PRELID2: variants seen among roughly 807,000 people sequenced by gnomAD.
PRELID2 encodes the protein PRELI domain containing 2.
PRELID2 carries 25 observed loss-of-function variants against 28.4 expected under a neutral mutation model. The observed-to-expected ratio is 0.88, with a 90% CI of 0.64 to 1.23. The LOEUF is 1.23. Among genes scored for constraint, PRELID2 ranks in the 50% most tolerant of loss-of-function variants. PRELID2 has a pLI of 0.00. For synonymous variants in PRELID2, 76 were observed against 71.6 expected (o/e 1.06, Z -0.31); for missense variants, 201 against 214.4 (o/e 0.94, Z 0.39).
the PRELID2 span, among the ~76,000 whole-genome samples, chr5:145,375,256 G>A: frequency 6.6e-6 from 1 of 152,002 alleles, no homozygotes; most frequent in Non-Finnish European, 1.5e-5. Context: ...TGGTTTGCTG[G>A]CGTTTCACTT....
intron 5 of PRELID2, among the ~76,000 whole-genome samples, chr5:145,775,482 A>G (rs1427419322): frequency 6.6e-6 from 1 of 152,212 alleles, no homozygotes; most frequent in Non-Finnish European, 1.5e-5. Context: ...TGAAATTGCC[A>G]TAAGAAAAAA....
At chr5:145,243,922 C>A in the PRELID2 span, among the ~76,000 whole-genome samples, 4 of 151,928 alleles carry the variant, frequency 2.6e-5, no homozygotes, top group African/African-American at 9.7e-5. Flanking sequence ...GCAACTTTTA[C>A]TTCCAAGTTT....
chr5:145,413,973 A>G, the PRELID2 span, among the ~76,000 whole-genome samples: 6 of 152,188 alleles, frequency 3.9e-5, no homozygotes, highest in Admixed American at 3.9e-4. Flanking sequence ...AGCTATTGTG[A>G]ATAAAATTAT....
chr5:145,806,585 T>C (rs1428057580), intron 4 of PRELID2, among the ~76,000 whole-genome samples: 1 of 152,230 alleles, frequency 6.6e-6, no homozygotes, highest in Non-Finnish European at 1.5e-5. Context: ...CAATAAATGG[T>C]ATTGTAATTA....
At chr5:145,674,392 G>A (rs1754772770) in intron 1 of PRELID2, among the ~76,000 whole-genome samples, 1 of 151,774 alleles carries the variant, frequency 6.6e-6, no homozygotes. Flanking sequence ...GGTATTTGAA[G>A]AGACAGAAGG....
intron 1 of PRELID2, among the ~76,000 whole-genome samples, chr5:145,611,939 T>C (rs1753622802): frequency 6.6e-6 from 1 of 152,220 alleles, no homozygotes; most frequent in Non-Finnish European, 1.5e-5. Context: ...GTCATATTGA[T>C]ACAAACATTG....
intron 1 of PRELID2, among the ~76,000 whole-genome samples, chr5:145,531,381 G>A (rs1225589469): frequency 6.6e-6 from 1 of 152,116 alleles, no homozygotes; most frequent in Non-Finnish European, 1.5e-5. Flanking sequence ...GTTTACTTCT[G>A]GCTAGTGTCA....
At chr5:145,235,549 T>G in the PRELID2 span, among the ~76,000 whole-genome samples, 2 of 152,108 alleles carry the variant, frequency 1.3e-5, no homozygotes, top group Non-Finnish European at 2.9e-5. Context: ...GATGGCAAAT[T>G]AGGATTAATG....
the PRELID2 span, among the ~76,000 whole-genome samples, chr5:145,340,514 T>A: frequency 2.0e-5 from 3 of 152,024 alleles, no homozygotes; most frequent in Non-Finnish European, 4.4e-5. Context: ...ATGCCTGTAA[T>A]CCCAGCACTT....
intron 1 of PRELID2, among the ~76,000 whole-genome samples, chr5:145,740,730 ATAT>A (rs1283807144): frequency 2.5e-5 from 3 of 117,686 alleles, no homozygotes; most frequent in African/African-American, 3.4e-5. Flanking sequence ...ATTACATTAA[ATAT>A]TATATATAAA....
At chr5:145,319,991 T>C in the PRELID2 span, among the ~76,000 whole-genome samples, 2 of 152,248 alleles carry the variant, frequency 1.3e-5, no homozygotes. Flanking sequence ...TCATCAGACC[T>C]ATCCCTTTGA....
At chr5:145,546,573 A>C (rs1752790433) in intron 1 of PRELID2, among the ~76,000 whole-genome samples, 1 of 152,180 alleles carries the variant, frequency 6.6e-6, no homozygotes, top group African/African-American at 2.4e-5. Flanking sequence ...TTGTATGAAC[A>C]TACCAGAGAC....
chr5:145,761,746 G>T (rs937313712), intron 6 of PRELID2, among the ~76,000 whole-genome samples: 3 of 152,154 alleles, frequency 2.0e-5, no homozygotes, highest in Non-Finnish European at 4.4e-5. Flanking sequence ...AAAGCAGGCA[G>T]CCGGCTAAAT....
the PRELID2 span, among the ~76,000 whole-genome samples, chr5:145,295,063 G>A: frequency 2.0e-5 from 3 of 152,108 alleles, no homozygotes; most frequent in Non-Finnish European, 2.9e-5. Flanking sequence ...CTCTGAGCTG[G>A]TTGCCTGTCC....
intron 1 of PRELID2, among the ~76,000 whole-genome samples, chr5:145,624,564 T>C (rs1753818089): frequency 6.6e-6 from 1 of 152,162 alleles, no homozygotes; most frequent in Non-Finnish European, 1.5e-5. Context: ...AAACTATGTA[T>C]CTTTTCTTAT....
intron 4 of PRELID2, among the ~76,000 whole-genome samples, chr5:145,802,670 C>T (rs1753213215): frequency 6.6e-6 from 1 of 152,140 alleles, no homozygotes; most frequent in African/African-American, 2.4e-5. Context: ...GAGGCTCACC[C>T]ACTCAAGCAG....
At chr5:145,792,337 T>C (rs1377338994) in intron 5 of PRELID2, among the ~76,000 whole-genome samples, 1 of 152,238 alleles carries the variant, frequency 6.6e-6, no homozygotes, top group Non-Finnish European at 1.5e-5. Flanking sequence ...TATTTCATTA[T>C]GTTGTCCAGA....
chr5:145,794,967 T>C (rs905587887), intron 5 of PRELID2: 10 of 152,094 alleles, frequency 6.6e-5, no homozygotes, highest in Non-Finnish European at 1.2e-4. Flanking sequence ...AAATGAACAT[T>C]TGCAATCAAT....
At position 145,741,921 on chromosome 5, in the gene PRELID2, C is replaced by T. The variant is rs182057637; in HGVS notation, n.70+23010G>A. 4.1e-3 allele frequency among the ~76,000 whole-genome samples: 411 copies of T among 101,262 alleles called. 5 individuals carry two copies. The highest frequency in any genetic ancestry group is 0.015 in the African/African-American group (370 of 25,416). 66.4% of individuals were successfully genotyped at this position (101,262 alleles called of 152,430 possible). On this transcript the variant is annotated intron_variant and non_coding_transcript_variant, in intron 1 of 2. Transcript: ENST00000510259. ...TAATTTAAATTTATATATAAATAAA[C>T]AAATAAATTTATTATAAATAAATAA...
Sources: allele counts gnomAD v4.1 joint callset (sites outside exome capture counted in the v4.1 genomes callset), GRCh38; gene constraint gnomAD v4.1.1; transcripts MANE v1.5; gene names NCBI Gene and HGNC (gene_info 2026-07-23, HGNC 2026-07-21).